The following OTOA variants were observed in gnomAD, a reference collection of about 807,000 sequenced individuals.
OTOA encodes cancer/testis antigen 108.
OTOA carries 70 observed loss-of-function variants against 110.8 expected under a neutral mutation model. That is an observed-to-expected ratio of 0.63 (90% CI 0.52 to 0.77). The LOEUF (loss-of-function observed/expected upper bound fraction) is 0.77, where lower values mean the gene tolerates loss of function less well. Among genes scored for constraint, OTOA ranks in the 30% least tolerant of loss-of-function variants. The pLI is 0.00. For missense variants in OTOA, 917 were observed against 1,075.8 expected (o/e 0.85, Z 2.06); for synonymous variants, 373 against 431.5 (o/e 0.86, Z 1.68).
At chr16:21,678,342 A>G (rs1013342051) in intron 1 of OTOA, among the ~76,000 whole-genome samples, 169 bp from the exon 2 acceptor site, 1 of 151,902 alleles carries the variant, frequency 6.6e-6, no homozygotes, top group African/African-American at 2.4e-5. Context: ...TTTTAAAATT[A>G]TTTTTAAAAA....
chr16:21,735,617 G>A (rs528299850), intron 21 of OTOA, among the ~76,000 whole-genome samples: 5 of 152,122 alleles, frequency 3.3e-5, no homozygotes, highest in African/African-American at 7.2e-5. Context: ...TTCTGAGACA[G>A]GGTTGTACTC....
intron 22 of OTOA, 85 bp downstream of exon 22, chr16:21,736,475 A>T (rs1181784159): frequency 1.4e-5 from 20 of 1,452,718 alleles, no homozygotes; most frequent in Non-Finnish European, 1.8e-5. Flanking sequence ...AGGCCTCCTT[A>T]TGCAGGGAAC....
chr16:21,687,392 T>C, intron 7 of OTOA, 21 bp from the exon 8 acceptor site: 1 of 1,610,172 alleles, frequency 6.2e-7, no homozygotes. Context: ...AAACTGACCC[T>C]GGCTTCTGTC....
chr16:21,744,583 G>A (rs1899598376), intron 23 of OTOA, among the ~76,000 whole-genome samples: 1 of 92,904 alleles, frequency 1.1e-5, no homozygotes, highest in South Asian at 4.8e-4. Context: ...AGCACTGGCA[G>A]ATCCAGTATC....
intron 6 of OTOA, 90 bp from the exon 7 acceptor site, chr16:21,685,140 A>G: frequency 1.3e-6 from 2 of 1,536,510 alleles, no homozygotes; most frequent in Admixed American, 3.4e-5. Context: ...GCAGGGAATG[A>G]GGGGGCCGGG....
intron 17 of OTOA, chr16:21,721,487 A>G (rs1434549281): frequency 3.3e-5 from 15 of 456,004 alleles, no homozygotes; most frequent in Non-Finnish European, 6.2e-5. Flanking sequence ...CAGCACCACT[A>G]CACAGAGGTA....
intron 7 of OTOA, 58 bp from the exon 8 acceptor site, chr16:21,687,355 G>T: frequency 7.0e-7 from 1 of 1,432,794 alleles, no homozygotes. Context: ...GTCCCTCCCA[G>T]GGCTTCCAAA....
At position 21,667,383 on chromosome 16, in the gene OTOA, G is replaced by C. The variant is rs553520488; in HGVS notation, c.-5+3151G>C. ...GAATGCTGGGATGGCGGCTGGGCGC[G>C]GTGGCTCACGCCTGTAATCCCAGCA... is the stretch of plus-strand genomic sequence containing the variant. On this transcript the variant is annotated intron_variant, in intron 1 of 28. Transcript: ENST00000646100. Among the ~76,000 whole-genome samples, 662 of 152,140 alleles carry C rather than the reference G, an allele frequency of 4.4e-3. 3 individuals are homozygous for C. Among genetic ancestry groups the C allele is most frequent in the Non-Finnish European group, 6.8e-3 (461 of 67,992 alleles).
chr16:21,687,465 A>G lies in OTOA; in HGVS notation c.452A>G (p.Gln151Arg). 6.2e-7 allele frequency: 1 copy of G among 1,614,102 alleles called. No individual in the cohort carries two copies. Among genetic ancestry groups the G allele is most frequent in the Non-Finnish European group, 8.5e-7 (1 of 1,179,998 alleles). Residue 151 changes from glutamine to arginine, a missense_variant, in exon 8 of 29, where the codon CAG becomes CGG. Gln to Arg is a conservative substitution (Grantham distance 43, BLOSUM62 1). This residue lies in a region of OTOA where 840 missense variants were observed against 910.2 expected (regional missense o/e 0.92). Coordinates refer to ENST00000646100, the MANE Select transcript of OTOA (RefSeq NM_144672.4). ...DLGEIRERAL[Q>R]SPGVNRSLFL... ...GGAGAGATTCGAGAACGAGCCTTGC[A>G]GAGCCCTGGCGTGAACCGCAGCCTG...
chr16:21,701,174 G>A (rs1322486015), intron 11 of OTOA, 147 bp downstream of exon 11: 2 of 1,254,242 alleles, frequency 1.6e-6, no homozygotes, highest in South Asian at 1.3e-5. Flanking sequence ...GTGCATGTGA[G>A]GAGAGGTGTC....
At chr16:21,756,019 A>G (rs1204968925) in intron 27 of OTOA, among the ~76,000 whole-genome samples, 44 of 150,926 alleles carry the variant, frequency 2.9e-4, no homozygotes, top group African/African-American at 1.0e-3. Flanking sequence ...GGCTTTACAC[A>G]GAGGGATATG....
chr16:21,702,836 CA>C (rs1229757079), intron 11 of OTOA, among the ~76,000 whole-genome samples: 1 of 152,088 alleles, frequency 6.6e-6, no homozygotes, highest in East Asian at 1.9e-4. Flanking sequence ...CCACCACGCC[CA>C]GCTAATTTCT....
At chr16:21,729,668 C>T (rs1190530546) in intron 20 of OTOA, 2 of 152,170 alleles carry the variant, frequency 1.3e-5, no homozygotes, top group African/African-American at 4.8e-5. Flanking sequence ...TTTGCCTGTT[C>T]ATTCCTCTCT....
At chr16:21,691,563 G>A (rs1897829704) in intron 8 of OTOA, 21 bp from the exon 9 acceptor site, 2 of 1,594,160 alleles carry the variant, frequency 1.3e-6, no homozygotes, top group Non-Finnish European at 1.7e-6. Flanking sequence ...ATTAGCTGAT[G>A]CCTGTGTTTG....
chr16:21,666,700 G>C (rs1209133743), intron 1 of OTOA, among the ~76,000 whole-genome samples: 2 of 152,068 alleles, frequency 1.3e-5, no homozygotes, highest in Admixed American at 1.3e-4. Context: ...AGTCTGCAGT[G>C]GGGGAATCTT....
At chr16:21,708,290 A>G (rs1323976339) in intron 12 of OTOA, among the ~76,000 whole-genome samples, 1 of 152,052 alleles carries the variant, frequency 6.6e-6, no homozygotes, top group African/African-American at 2.4e-5. Flanking sequence ...TTGCATGCAC[A>G]GTGCACAATA....
At chr16:21,735,152 A>C (rs1193048648) in intron 21 of OTOA, among the ~76,000 whole-genome samples, 1 of 150,938 alleles carries the variant, frequency 6.6e-6, no homozygotes, top group East Asian at 2.0e-4. Context: ...AAAAAAAAAA[A>C]AAAGAGACAA....
chr16:21,720,190 A>C (rs1427782945), intron 17 of OTOA, among the ~76,000 whole-genome samples: 1 of 152,090 alleles, frequency 6.6e-6, no homozygotes, highest in African/African-American at 2.4e-5. Flanking sequence ...TCCTGGGCTC[A>C]AGTGATCCTC....
intron 1 of OTOA, among the ~76,000 whole-genome samples, chr16:21,673,865 C>T (rs1162476594): frequency 6.6e-6 from 1 of 152,164 alleles, no homozygotes; most frequent in Non-Finnish European, 1.5e-5. Flanking sequence ...TCTTGGCTCA[C>T]TGCATCACTG....
Sources: gnomAD v4.1 joint callset for allele counts (sites outside exome capture counted in the v4.1 genomes callset) on GRCh38, gnomAD v4.1.1 for gene constraint, gnomAD v4.1.1 regional missense constraint, MANE v1.5 for transcripts, NCBI Gene and HGNC (gene_info 2026-07-23, HGNC 2026-07-21) for gene names.